The following USP34 variants were observed in gnomAD, a reference collection of about 807,000 sequenced individuals.
USP34 encodes ubiquitin carboxyl-terminal hydrolase 34.
USP34 carries 70 observed loss-of-function variants against 460.3 expected under a neutral mutation model. The ratio of observed to expected loss-of-function variants is 0.15; its 90% CI spans 0.13 to 0.19. The LOEUF is 0.19. Among genes scored for constraint, USP34 ranks in the 10% least tolerant of loss-of-function variants. The pLI, the probability that USP34 is intolerant of heterozygous loss-of-function variation, is 1.00. For missense variants in USP34, 3,985 were observed against 4,236.2 expected (o/e 0.94, Z 1.65); for synonymous variants, 1,647 against 1,405.3 (o/e 1.17, Z -3.85).
rs183763941 is a variant in USP34 at position 61,257,070 on chromosome 2, T to C, written c.6030A>G (p.Thr2010=). 8 of 1,578,060 alleles carry C rather than the reference T, an allele frequency of 5.1e-6. No individual in the cohort carries two copies. Among genetic ancestry groups the C allele is most frequent in the Admixed American group, 3.8e-5 (2 of 52,524 alleles). ...TACTTACCAAGGATACAACATTGTT[T>C]GTAATTACACCTCCAAATAAACTTT... ...TVKSLFGGVI[T]NNVVSLDCEH... The change falls in exon 46 of 80, where the codon ACA becomes ACG. Residue 2010 remains threonine, a synonymous_variant. Transcript: ENST00000398571.
intron 67 of USP34, among the ~76,000 whole-genome samples, chr2:61,218,712 G>A (rs990302054): frequency 4.6e-5 from 7 of 151,962 alleles, no homozygotes; most frequent in African/African-American, 1.7e-4. Context: ...AATACTGGTC[G>A]GGTATTTCAT....
At chr2:61,206,467 T>C (rs1687120603) in intron 71 of USP34, among the ~76,000 whole-genome samples, 2 of 152,212 alleles carry the variant, frequency 1.3e-5, no homozygotes, top group African/African-American at 4.8e-5. Flanking sequence ...AGTTTCCAGC[T>C]GGAGAATCTT....
intron 48 of USP34, among the ~76,000 whole-genome samples, chr2:61,249,624 C>T (rs750683929): frequency 6.6e-6 from 1 of 152,176 alleles, no homozygotes; most frequent in Non-Finnish European, 1.5e-5. Flanking sequence ...CACTCCTGCT[C>T]GCCCTTTTCC....
intron 1 of USP34, among the ~76,000 whole-genome samples, chr2:61,426,783 G>A (rs1486171938): frequency 6.6e-6 from 1 of 152,156 alleles, no homozygotes; most frequent in East Asian, 1.9e-4. Flanking sequence ...TTTCAAGACT[G>A]ACCCAGCACA....
intron 75 of USP34, among the ~76,000 whole-genome samples, chr2:61,201,852 C>G (rs1301713238): frequency 6.6e-6 from 1 of 152,022 alleles, no homozygotes; most frequent in Non-Finnish European, 1.5e-5. Context: ...TTATAATTAC[C>G]CTTCTTTATA....
Position 61,190,661 on chromosome 2 carries a change from A to G in USP34, c.9589-3T>C, listed in dbSNP as rs1320235618. The G allele has an allele frequency of 2.5e-6, 4 of 1,612,144 alleles. No homozygotes were observed. Among genetic ancestry groups the G allele is most frequent in the Non-Finnish European group, 3.4e-6 (4 of 1,179,302 alleles). ...ATGCAGTTTTTTGACATAGCAGACT[A>G]AAGTGGGGAGAAGATGGTTGAGCAC... On this transcript the variant is annotated splice_polypyrimidine_tract_variant and splice_region_variant and intron_variant, in intron 76 of 79. Coordinates refer to ENST00000398571, the MANE Select transcript of USP34 (RefSeq NM_014709.4).
At chr2:61,346,763 C>T (rs970053821) in intron 15 of USP34, among the ~76,000 whole-genome samples, 2 of 131,372 alleles carry the variant, frequency 1.5e-5, no homozygotes, top group Non-Finnish European at 3.1e-5. Context: ...ACCTGGGAGA[C>T]GGAGGTTGCA....
chr2:61,470,468 GC>G (rs1695919948), intron 1 of USP34, among the ~76,000 whole-genome samples, 181 bp downstream of exon 1: 1 of 148,936 alleles, frequency 6.7e-6, no homozygotes, highest in South Asian at 2.1e-4. Context: ...AGGTAACCCG[GC>G]CGGGCTGGGC....
At chr2:61,319,658 A>G (rs946232072) in intron 21 of USP34, among the ~76,000 whole-genome samples, 5 of 152,154 alleles carry the variant, frequency 3.3e-5, no homozygotes, top group Admixed American at 2.6e-4. Context: ...CAGCCTGGCC[A>G]ACATGGTGAA....
At chr2:61,428,044 A>AGTCC (rs1204995896) in intron 1 of USP34, among the ~76,000 whole-genome samples, 3 of 151,876 alleles carry the variant, frequency 2.0e-5, no homozygotes, top group East Asian at 3.9e-4. Flanking sequence ...GTGTGCCTGT[A>AGTCC]GTCCCAGCTA....
chr2:61,454,668 G>A (rs1220443453), intron 1 of USP34, among the ~76,000 whole-genome samples: 1 of 151,890 alleles, frequency 6.6e-6, no homozygotes, highest in East Asian at 1.9e-4. Flanking sequence ...TCCTGCCTCA[G>A]CCTCCCGAGT....
chr2:61,204,153 C>A (rs953986186), intron 74 of USP34, 103 bp downstream of exon 74: 84 of 1,460,216 alleles, frequency 5.8e-5, no homozygotes, highest in Non-Finnish European at 7.3e-5. Flanking sequence ...TTAGGATCCA[C>A]AAAATTGGTC....
chr2:61,407,393 T>C (rs1256949016), intron 2 of USP34, among the ~76,000 whole-genome samples: 2 of 152,258 alleles, frequency 1.3e-5, no homozygotes, highest in East Asian at 1.9e-4. Context: ...GGTGAATCAA[T>C]AGGCAATTAA....
In USP34 at chr2:61,222,605, A is replaced by G. The variant is rs371873847; in HGVS notation, c.7794+14T>C. ...AATTGTTTTAAAAACATAAATTAACAAATGTTTACATACCTCAGGAGTCAA... is the reference window on the plus strand; with the variant it reads ...AATTGTTTTAAAAACATAAATTAACGAATGTTTACATACCTCAGGAGTCAA... On this transcript the variant is annotated intron_variant, in intron 65 of 79. Transcript: ENST00000398571. 1.2e-4 allele frequency: 198 copies of G among 1,606,296 alleles called. No homozygotes were observed. The highest frequency in any genetic ancestry group is 1.6e-4 in the Non-Finnish European group (192 of 1,174,322).
intron 3 of USP34, among the ~76,000 whole-genome samples, chr2:61,402,693 G>A (rs762972328): frequency 1.3e-5 from 2 of 151,906 alleles, no homozygotes; most frequent in African/African-American, 2.4e-5. Flanking sequence ...AAATATTAAC[G>A]AAAAATCAAA....
rs1319145589 is a variant in USP34, at chr2:61,335,289, T to A, written c.2745-1318A>T. Among the ~76,000 whole-genome samples the A allele has an allele frequency of 2.6e-5, 4 of 152,258 alleles. No individual in the cohort carries two copies. In the East Asian group the frequency reaches 7.7e-4, roughly 29 times the overall value. On this transcript the variant is annotated intron_variant, in intron 18 of 79. Coordinates refer to ENST00000398571, the MANE Select transcript of USP34 (RefSeq NM_014709.4). ...TGACTTATCAACTTTTTTGCCCAAG[T>A]AGTTCTGACTACTGATATGCTTACA...
chr2:61,443,548 A>G (rs1695027792), intron 1 of USP34, among the ~76,000 whole-genome samples: 1 of 152,110 alleles, frequency 6.6e-6, no homozygotes, highest in African/African-American at 2.4e-5. Flanking sequence ...TTAAATTCCT[A>G]TTACTAAATG....
intron 6 of USP34, among the ~76,000 whole-genome samples, chr2:61,382,117 T>A (rs1005749428): frequency 2.6e-5 from 4 of 152,328 alleles, no homozygotes; most frequent in Admixed American, 1.3e-4. Flanking sequence ...AGGACTAATA[T>A]ATAAACCTTT....
At chr2:61,381,521 A>G (rs765977144) in intron 6 of USP34, among the ~76,000 whole-genome samples, 25 of 152,146 alleles carry the variant, frequency 1.6e-4, no homozygotes, top group Non-Finnish European at 2.9e-4. Context: ...TTCTGCACAG[A>G]GATGGAGTCT....
Sources: allele counts gnomAD v4.1 joint callset (sites outside exome capture counted in the v4.1 genomes callset), GRCh38; gene constraint gnomAD v4.1.1; transcripts MANE v1.5; gene names NCBI Gene and HGNC (gene_info 2026-07-23, HGNC 2026-07-21).